DNAJB5: variants seen among roughly 807,000 people sequenced by gnomAD.
The protein encoded by DNAJB5 is DnaJ heat shock protein family (Hsp40) member B5, also known as dnaJ homolog subfamily B member 5.
In DNAJB5, 12 loss-of-function variants were observed where a neutral mutation model predicts 32.6. That is an observed-to-expected ratio of 0.37 (90% CI 0.24 to 0.60). The LOEUF (loss-of-function observed/expected upper bound fraction) is 0.60, where lower values mean the gene tolerates loss of function less well. Among genes scored for constraint, DNAJB5 ranks in the 20% least tolerant of loss-of-function variants. DNAJB5 has a pLI of 0.71. For synonymous variants in DNAJB5, 188 were observed against 212.9 expected, an observed-to-expected ratio of 0.88 and a Z score of 1.02; for missense variants, 358 against 554.2, an observed-to-expected ratio of 0.65 and a Z score of 3.55.
chr9:34,990,195 C>G lies in DNAJB5; in HGVS notation c.-132-304C>G, dbSNP rs1280107000. 2.4e-6 allele frequency: 3 copies of G among 1,253,020 alleles called. No homozygotes were observed. Among genetic ancestry groups the G allele is most frequent in the South Asian group, 1.5e-5 (1 of 65,492 alleles). 77.6% of individuals were successfully genotyped at this position (1,253,020 alleles called of 1,614,324 possible). A position where few individuals can be genotyped will look rare whatever the true frequency, so the allele number is the denominator to read the frequency against. On this transcript the variant is annotated intron_variant, in intron 1 of 4. Transcript: ENST00000682809. This position sits in a 1 kb window ranked among gnomAD's most constrained non-coding sequence, Gnocchi z 4.5. ...TCCTCGCCGCGCCTTTTGTCCCGGCCGAGCTCCGCTCTGCCCCGCCCATCT... is the reference window on the plus strand; with the variant it reads ...TCCTCGCCGCGCCTTTTGTCCCGGCGGAGCTCCGCTCTGCCCCGCCCATCT...
In DNAJB5 at chr9:34,997,485, A is replaced by C. The variant is rs1013062520; in HGVS notation, c.*226A>C. 2 of 674,742 alleles carry C rather than the reference A, an allele frequency of 3.0e-6. No homozygotes were observed. Among genetic ancestry groups the C allele is most frequent in the African/African-American group, 1.8e-5 (1 of 56,632 alleles). The allele number at this position is 674,742 out of a possible 1,614,324, so 41.8% of individuals were successfully genotyped here. ...GGAGAGCTAGCCCAGGCCAGGGGTC[A>C]ATGTTCATGTCACTAGCTTTCAATC... On this transcript the variant is annotated 3_prime_UTR_variant, in exon 5 of 5. Coordinates refer to ENST00000682809, the MANE Select transcript of DNAJB5 (RefSeq NM_001349723.3). This position sits in a 1 kb window ranked among gnomAD's most constrained non-coding sequence, Gnocchi z 4.1.
At position 34,990,788 on chromosome 9, in the gene DNAJB5, C is replaced by T; in HGVS notation, c.158C>T (p.Thr53Met). 6.4e-7 allele frequency: 1 copy of T among 1,551,434 alleles called. No homozygotes were observed. Among genetic ancestry groups the T allele is most frequent in the Non-Finnish European group, 8.7e-7 (1 of 1,146,860 alleles). The change falls in exon 2 of 5, where the codon ACG becomes ATG. Residue 53 changes from threonine (T) to methionine (M), a missense_variant. This residue lies in a region of DNAJB5 where 110 missense variants were observed against 111.7 expected (regional missense o/e 0.99). Coordinates refer to ENST00000682809, the MANE Select transcript of DNAJB5 (RefSeq NM_001349723.3). The surrounding 1 kb of genome is among the most constrained non-coding windows in gnomAD (Gnocchi z 4.5). ...QLEPLKLRAW[T>M]LNGFVKFRNK... Reference sequence around the variant, plus strand: ...GAGCCCTTAAAACTTCGAGCGTGGACGCTGAATGGGTTTGTAAAGTTTCGG... The same window carrying T: ...GAGCCCTTAAAACTTCGAGCGTGGATGCTGAATGGGTTTGTAAAGTTTCGG...
chr9:34,994,691 T>C (rs956144312), intron 3 of DNAJB5, among the ~76,000 whole-genome samples: 6 of 152,174 alleles, frequency 3.9e-5, no homozygotes, highest in African/African-American at 4.8e-5. Context: ...TCCCTTGAGA[T>C]ACTTCACCCC....
At chr9:34,995,488 G>A (rs539895889) in intron 3 of DNAJB5, among the ~76,000 whole-genome samples, 2 of 152,268 alleles carry the variant, frequency 1.3e-5, no homozygotes, top group Non-Finnish European at 2.9e-5. Flanking sequence ...CATTTTGGTT[G>A]CTCAACATTA....
Position 34,996,473 on chromosome 9 carries a change from T to C in DNAJB5, c.636T>C (p.Ala212=). The change falls in exon 4 of 5, where the codon GCT becomes GCC. Residue 212 remains alanine, a synonymous_variant. Coordinates refer to ENST00000682809, the MANE Select transcript of DNAJB5 (RefSeq NM_001349723.3). This position sits in a 1 kb window ranked among gnomAD's most constrained non-coding sequence, Gnocchi z 7.2. ...DVDEDEDPFG[A]FGRFGFNGLS... is the part of the protein sequence containing the mutation. ...ATGAAGATGAGGACCCATTTGGCGC[T>C]TTCGGCCGTTTTGGCTTCAATGGGC... 1 of 1,614,156 alleles carries C rather than the reference T, an allele frequency of 6.2e-7. No individual in the cohort carries two copies. The highest frequency in any genetic ancestry group is 2.2e-5 in the East Asian group (1 of 44,878).
At chr9:34,994,272 C>T (rs920073330) in intron 3 of DNAJB5, among the ~76,000 whole-genome samples, 4 of 152,212 alleles carry the variant, frequency 2.6e-5, no homozygotes, top group Non-Finnish European at 5.9e-5. Context: ...CTTTCACATT[C>T]TCCTCCTCTT....
In DNAJB5 at chr9:34,990,999, C is replaced by A; in HGVS notation, c.182+187C>A. On this transcript the variant is annotated intron_variant, in intron 2 of 4. Transcript: ENST00000682809. The surrounding 1 kb of genome is among the most constrained non-coding windows in gnomAD (Gnocchi z 4.5). Reference sequence around the variant, plus strand: ...CCCCTTATCATTCCTTTTCTCAAACCCTTCAGGTATCCATTTTCCACAGAC... The same window carrying A: ...CCCCTTATCATTCCTTTTCTCAAACACTTCAGGTATCCATTTTCCACAGAC... 3 of 626,440 alleles carry A rather than the reference C, an allele frequency of 4.8e-6. No individual in the cohort carries two copies. In the South Asian group the frequency reaches 6.0e-5, roughly 12 times the overall value. The allele number at this position is 626,440 out of a possible 1,614,324, so 38.8% of individuals were successfully genotyped here.
At position 34,990,907 on chromosome 9, in the gene DNAJB5, T is replaced by A; in HGVS notation, c.182+95T>A. 7.6e-7 allele frequency: 1 copy of A among 1,309,986 alleles called. No homozygotes were observed. 81.1% of individuals were successfully genotyped at this position (1,309,986 alleles called of 1,614,324 possible). A position where few individuals can be genotyped will look rare whatever the true frequency, so the allele number is the denominator to read the frequency against. ...TTGCCTTCCTGCTTCCTCCAACTCA[T>A]CCTCATCCCCTCTGTGACATACAGG... On this transcript the variant is annotated intron_variant, in intron 2 of 4. Transcript: ENST00000682809. This position sits in a 1 kb window ranked among gnomAD's most constrained non-coding sequence, Gnocchi z 4.5.
chr9:34,996,243 C>A lies in DNAJB5; in HGVS notation c.428-22C>A. ...TGGGGCCAGAATAAGCCACACTGCC[C>A]CTAACTTCTCCTCCCCTCTAGGCCT... is the stretch of plus-strand genomic sequence containing the variant. On this transcript the variant is annotated intron_variant, in intron 3 of 4. Transcript: ENST00000682809. The surrounding 1 kb of genome is among the most constrained non-coding windows in gnomAD (Gnocchi z 7.2). 6.2e-7 allele frequency: 1 copy of A among 1,600,494 alleles called. No homozygotes were observed. The highest frequency in any genetic ancestry group is 8.5e-7 in the Non-Finnish European group (1 of 1,172,182).
chr9:34,997,368 A>G lies in DNAJB5; in HGVS notation c.*109A>G. 1 of 1,232,724 alleles carries G rather than the reference A, an allele frequency of 8.1e-7. No homozygotes were observed. Among genetic ancestry groups the G allele is most frequent in the Non-Finnish European group, 1.2e-6 (1 of 845,208 alleles). 76.4% of individuals were successfully genotyped at this position (1,232,724 alleles called of 1,614,324 possible). A position where few individuals can be genotyped will look rare whatever the true frequency, so the allele number is the denominator to read the frequency against. ...CTGGACACTGGCAACTTTTTCTAAA[A>G]TGCAAAAAAAAGCCACTGGTTTTCA... On this transcript the variant is annotated 3_prime_UTR_variant, in exon 5 of 5. Coordinates refer to ENST00000682809, the MANE Select transcript of DNAJB5 (RefSeq NM_001349723.3). The surrounding 1 kb of genome is among the most constrained non-coding windows in gnomAD (Gnocchi z 4.1).
In DNAJB5 at chr9:34,996,899, G is replaced by C; in HGVS notation, c.1029+33G>C. 6.3e-7 allele frequency: 1 copy of C among 1,589,188 alleles called. No homozygotes were observed. Among genetic ancestry groups the C allele is most frequent in the South Asian group, 1.1e-5 (1 of 87,540 alleles). On this transcript the variant is annotated intron_variant, in intron 4 of 4. Transcript: ENST00000682809. This position sits in a 1 kb window ranked among gnomAD's most constrained non-coding sequence, Gnocchi z 7.2. ...CTAGTCAGGCTGTGTGTGTGTGCTG[G>C]GGAGATGGTGGGGACATTCCCTCTC...
chr9:34,991,202 T>G (rs1429664181), intron 2 of DNAJB5: 3 of 413,690 alleles, frequency 7.3e-6, no homozygotes, highest in Non-Finnish European at 9.6e-6. Flanking sequence ...CTCCCCATTT[T>G]TCCTTCCTGC....
At chr9:34,992,319 G>C (rs551756256) in intron 2 of DNAJB5, 32 of 152,382 alleles carry the variant, frequency 2.1e-4, no homozygotes, top group African/African-American at 7.5e-4. Context: ...CGTAGGGTGA[G>C]GCTAGGAGAG....
chr9:34,997,139 T>G lies in DNAJB5; in HGVS notation c.1143T>G (p.Leu381=). The change falls in exon 5 of 5, where the codon CTT becomes CTG. Residue 381 remains leucine (L), a synonymous_variant. Coordinates refer to ENST00000682809, the MANE Select transcript of DNAJB5 (RefSeq NM_001349723.3). The surrounding 1 kb of genome is among the most constrained non-coding windows in gnomAD (Gnocchi z 4.1). ...TGAAGAGACTCCGTGGGGAGGGCCT[T>G]CCCTTCCCCAAAGTGCCAACTCAGC... ...GTVKRLRGEG[L]PFPKVPTQRG... 6.2e-7 allele frequency: 1 copy of G among 1,614,128 alleles called. No homozygotes were observed. Among genetic ancestry groups the G allele is most frequent in the Non-Finnish European group, 8.5e-7 (1 of 1,180,024 alleles).
downstream of DNAJB5, chr9:34,998,841 G>T (rs1827870568): frequency 7.2e-6 from 1 of 138,210 alleles, no homozygotes; most frequent in African/African-American, 2.7e-5. Flanking sequence ...TTGACACGGA[G>T]TCTTGCTCTG....
Position 34,996,404 on chromosome 9 carries a change from C to T in DNAJB5, c.567C>T (p.Ser189=), listed in dbSNP as rs1563951606. Residue 189 remains serine (S), a synonymous_variant, in exon 4 of 5, where the codon TCC becomes TCT. Transcript: ENST00000682809. This position sits in a 1 kb window ranked among gnomAD's most constrained non-coding sequence, Gnocchi z 7.2. ...ATATCTTCTTTGCCAGCAGCCGCTCCACTCGGCCCTTCAGTGGCTTTGACC... is the reference window on the plus strand; with the variant it reads ...ATATCTTCTTTGCCAGCAGCCGCTCTACTCGGCCCTTCAGTGGCTTTGACC... ...PFDIFFASSR[S]TRPFSGFDPD... 1.2e-6 allele frequency: 2 copies of T among 1,614,180 alleles called. No homozygotes were observed. The highest frequency in any genetic ancestry group is 8.5e-7 in the Non-Finnish European group (1 of 1,180,024).
Position 34,997,658 on chromosome 9 carries a change from G to A in DNAJB5, c.*399G>A. On this transcript the variant is annotated 3_prime_UTR_variant, in exon 5 of 5. Transcript: ENST00000682809. The surrounding 1 kb of genome is among the most constrained non-coding windows in gnomAD (Gnocchi z 4.1). Reference sequence around the variant, plus strand: ...CCCTTCCCTTTGGCTTCCTGCTGTTGGGGGTGGAAAAGACTAGAAAGGACA... The same window carrying A: ...CCCTTCCCTTTGGCTTCCTGCTGTTAGGGGTGGAAAAGACTAGAAAGGACA... The A allele has an allele frequency of 5.6e-6, 2 of 357,202 alleles. No homozygotes were observed. The highest frequency in any genetic ancestry group is 1.1e-5 in the Non-Finnish European group (2 of 183,106). 22.1% of individuals were successfully genotyped at this position (357,202 alleles called of 1,614,324 possible).
At chr9:34,995,803 T>G (rs1827774859) in intron 3 of DNAJB5, among the ~76,000 whole-genome samples, 1 of 152,246 alleles carries the variant, frequency 6.6e-6, no homozygotes, top group Admixed American at 6.5e-5. Context: ...TATTTGCGAC[T>G]GTTCACTTAC....
chr9:34,997,422 T>A lies in DNAJB5; in HGVS notation c.*163T>A. ...AAATGTTCCTGTCCCTGACCCCTTT[T>A]AGAGCTGGGCTGCCTGGGGGGAGTG... On this transcript the variant is annotated 3_prime_UTR_variant, in exon 5 of 5. Transcript: ENST00000682809. The surrounding 1 kb of genome is among the most constrained non-coding windows in gnomAD (Gnocchi z 4.1). 1 of 815,790 alleles carries A rather than the reference T, an allele frequency of 1.2e-6. No individual in the cohort carries two copies. The highest frequency in any genetic ancestry group is 2.7e-5 in the East Asian group (1 of 37,392). 50.5% of individuals were successfully genotyped at this position (815,790 alleles called of 1,614,324 possible).
Sources: allele counts gnomAD v4.1 joint callset (sites outside exome capture counted in the v4.1 genomes callset), GRCh38; gene constraint gnomAD v4.1.1; regional missense constraint gnomAD v4.1.1; non-coding constraint Gnocchi (gnomAD v3.1); transcripts MANE v1.5; gene names NCBI Gene and HGNC (gene_info 2026-07-23, HGNC 2026-07-21).